The following LRRC43 variants were observed in gnomAD, a reference collection of about 807,000 sequenced individuals.
The protein encoded by LRRC43 is leucine rich repeat containing 43.
Under a neutral mutation model 64.3 loss-of-function variants are expected in LRRC43, and 62 were observed. The ratio of observed to expected loss-of-function variants is 0.96; its 90% CI spans 0.79 to 1.19. The LOEUF (loss-of-function observed/expected upper bound fraction) is 1.19, where lower values mean the gene tolerates loss of function less well. Among genes scored for constraint, LRRC43 ranks in the 50% most tolerant of loss-of-function variants. The pLI, the probability that LRRC43 is intolerant of heterozygous loss-of-function variation, is 0.00. For synonymous variants in LRRC43, 422 were observed against 382.3 expected (o/e 1.10, Z -1.21); for missense variants, 868 against 845.0 (o/e 1.03, Z -0.34).
At chr12:122,181,746 T>C (rs1399496332), upstream of LRRC43, among the ~76,000 whole-genome samples, 2 of 150,564 alleles carry the variant, frequency 1.3e-5, no homozygotes, top group Admixed American at 6.6e-5. Context: ...GCTGGGACTA[T>C]AGGCATGTGT....
intron 1 of LRRC43, chr12:122,174,040 C>G: frequency 6.2e-7 from 1 of 1,613,212 alleles, no homozygotes; most frequent in Non-Finnish European, 8.5e-7. Context: ...CACCCCTGCC[C>G]ACCCTGGCTC....
Position 122,183,185 on chromosome 12 carries a change from A to C in LRRC43, c.41A>C (p.Glu14Ala), listed in dbSNP as rs577217667. Residue 14 changes from glutamate to alanine, a missense_variant, in exon 1 of 12, where the codon GAG becomes GCG. By Grantham distance (107) the Glu-to-Ala change is moderately radical (BLOSUM62 -1). Coordinates refer to ENST00000339777, the MANE Select transcript of LRRC43 (RefSeq NM_001098519.2). Reference protein sequence around the residue: ...SYESESESESEAGPGTQRPGT... With the variant: ...SYESESESESAAGPGTQRPGT... ...GAGTCCGAGTCCGAGTCCGAGTCTG[A>C]GGCCGGGCCTGGGACTCAGCGGCCC... The C allele has an allele frequency of 6.4e-7, 1 of 1,559,894 alleles. No individual in the cohort carries two copies.
At chr12:122,174,449 T>C (rs1375890104) in intron 1 of LRRC43, among the ~76,000 whole-genome samples, 1 of 152,164 alleles carries the variant, frequency 6.6e-6, no homozygotes, top group Non-Finnish European at 1.5e-5. Flanking sequence ...GGCACATGAA[T>C]GCATCTTTGC....
Position 122,192,779 on chromosome 12 carries a change from T to A in LRRC43, c.1124T>A (p.Val375Asp). 1 of 1,614,138 alleles carries A rather than the reference T, an allele frequency of 6.2e-7. No homozygotes were observed. Among genetic ancestry groups the A allele is most frequent in the Non-Finnish European group, 8.5e-7 (1 of 1,179,994 alleles). Residue 375 changes from valine to aspartate, a missense_variant, in exon 7 of 12, where the codon GTT (valine) becomes GAT (aspartate). Val to Asp is a radical substitution (Grantham distance 152). Coordinates refer to ENST00000339777, the MANE Select transcript of LRRC43 (RefSeq NM_001098519.2). ...VKPSPSLELL[V>D]EESPEEVVED... ...CCCTCTCCCAGCTTAGAATTATTAG[T>A]TGAGGAATCTCCTGAAGAGGTCGTG... is the stretch of plus-strand genomic sequence containing the variant.
At chr12:122,177,476 A>AGTGTGTGTGTGTGT (rs67103998) in intron 1 of LRRC43, among the ~76,000 whole-genome samples, 129 of 143,586 alleles carry the variant, frequency 9.0e-4, no homozygotes, top group East Asian at 2.9e-3. Flanking sequence ...TGAGAGAGAA[A>AGTGTGTGTGTGTGT]GTGTGTGTGT....
At chr12:122,181,929 T>C (rs975800849), upstream of LRRC43, among the ~76,000 whole-genome samples, 1 of 151,812 alleles carries the variant, frequency 6.6e-6, no homozygotes, top group Non-Finnish European at 1.5e-5. Context: ...AACAGTAAAG[T>C]TGTCCCGATA....
rs780820828 is a variant in LRRC43 at position 122,201,338 on chromosome 12, C to G, written c.1843+9C>G. 6.2e-6 allele frequency: 10 copies of G among 1,613,656 alleles called. No homozygotes were observed. Among genetic ancestry groups the G allele is most frequent in the African/African-American group, 1.3e-5 (1 of 74,920 alleles). ...GAAAGTTGCCAAAAAAGGTGAGTGC[C>G]GATGGTGGTGACCAAAGGCAGGGAT... On this transcript the variant is annotated intron_variant, in intron 11 of 11. Transcript: ENST00000339777.
chr12:122,198,501 C>T (rs1953794080), intron 7 of LRRC43, among the ~76,000 whole-genome samples: 1 of 151,660 alleles, frequency 6.6e-6, no homozygotes, highest in African/African-American at 2.4e-5. Context: ...TTTGCCTGTT[C>T]TGGATATTTC....
chr12:122,177,476 A>AGTGTGT (rs67103998), intron 1 of LRRC43, among the ~76,000 whole-genome samples: 3,626 of 143,540 alleles, frequency 0.025, 71 homozygotes, highest in Admixed American at 0.065. Context: ...TGAGAGAGAA[A>AGTGTGT]GTGTGTGTGT....
At chr12:122,198,973 A>G (rs113332187) in intron 7 of LRRC43, among the ~76,000 whole-genome samples, 99 of 137,228 alleles carry the variant, frequency 7.2e-4, no homozygotes, top group African/African-American at 2.5e-3. Flanking sequence ...TGTCATATGT[A>G]CTTTCACGAT....
intron 1 of LRRC43, among the ~76,000 whole-genome samples, chr12:122,168,244 C>G (rs940288328): frequency 3.7e-4 from 56 of 150,812 alleles, no homozygotes; most frequent in Non-Finnish European, 4.3e-4. Flanking sequence ...AGTTTGAGAC[C>G]AGCCTGGCCA....
chr12:122,200,069 T>C lies in LRRC43; in HGVS notation c.1350-120T>C, dbSNP rs1352143855. On this transcript the variant is annotated intron_variant, in intron 7 of 11. Transcript: ENST00000339777. This position sits in a 1 kb window ranked among gnomAD's most constrained non-coding sequence, Gnocchi z 4.6. ...GGTGGCAGCCGGACCTCACGTCTCA[T>C]GCTGTTTGTGGGCTTCGATGCTCGT... 2.7e-6 allele frequency: 3 copies of C among 1,104,446 alleles called. No individual in the cohort carries two copies. The highest frequency in any genetic ancestry group is 1.6e-5 in the African/African-American group (1 of 63,926). The allele number at this position is 1,104,446 out of a possible 1,614,324, so 68.4% of individuals were successfully genotyped here.
In LRRC43 at chr12:122,200,695, C is replaced by A. The variant is rs763619458; in HGVS notation, c.1620+35C>A. 3.1e-6 allele frequency: 5 copies of A among 1,612,968 alleles called. No individual in the cohort carries two copies. The highest frequency in any genetic ancestry group is 4.2e-6 in the Non-Finnish European group (5 of 1,179,762). ...CTTGGTGCTGGGGAGGGCAGCCTGGCCACACCCTTGCTTCAACTTGTCCCA... is the reference window on the plus strand; with the variant it reads ...CTTGGTGCTGGGGAGGGCAGCCTGGACACACCCTTGCTTCAACTTGTCCCA... On this transcript the variant is annotated intron_variant, in intron 9 of 11. Coordinates refer to ENST00000339777, the MANE Select transcript of LRRC43 (RefSeq NM_001098519.2). The surrounding 1 kb of genome is among the most constrained non-coding windows in gnomAD (Gnocchi z 4.6).
intron 1 of LRRC43, among the ~76,000 whole-genome samples, chr12:122,176,776 T>G (rs1458627502): frequency 6.6e-6 from 1 of 152,036 alleles, no homozygotes; most frequent in Non-Finnish European, 1.5e-5. Flanking sequence ...TGCCTCAGCC[T>G]CCTGAGTAGC....
intron 4 of LRRC43, among the ~76,000 whole-genome samples, chr12:122,188,450 AT>A (rs934839300): frequency 6.8e-6 from 1 of 146,684 alleles, no homozygotes; most frequent in Non-Finnish European, 1.5e-5. Context: ...TTTTATTTTA[AT>A]TTTTTTTTGA....
At chr12:122,169,584 CGG>C in intron 1 of LRRC43, among the ~76,000 whole-genome samples, 1 of 151,760 alleles carries the variant, frequency 6.6e-6, no homozygotes, top group Admixed American at 6.6e-5. Context: ...GGCGTGGTGG[CGG>C]GCGCCTGTAG....
chr12:122,193,108 C>T (rs945019557), intron 7 of LRRC43, 104 bp downstream of exon 7: 13 of 1,228,134 alleles, frequency 1.1e-5, no homozygotes, highest in Admixed American at 4.8e-5. Flanking sequence ...TGGCGGGGCG[C>T]GGTGGCTCAC....
intron 7 of LRRC43, among the ~76,000 whole-genome samples, chr12:122,199,875 C>T (rs1014918344): frequency 3.3e-5 from 5 of 152,250 alleles, no homozygotes; most frequent in East Asian, 3.8e-4. Flanking sequence ...AGAGCCACCA[C>T]GCTCAGCCCT....
chr12:122,172,493 C>A lies in LRRC43; in HGVS notation c.-406+4711C>A, dbSNP rs371446930. The stretch of plus-strand genomic sequence containing the variant: ...ACTCTGAAAACTGTTGAGAAATAGT[C>A]AGGATGAAGCGTTTACATTCATGGG... On this transcript the variant is annotated intron_variant, in intron 1 of 5. Transcript: ENST00000537729. 29 of 1,613,952 alleles carry A rather than the reference C, an allele frequency of 1.8e-5. No homozygotes were observed. In the African/African-American group the frequency reaches 3.6e-4, roughly 20 times the overall value.
Sources: allele counts gnomAD v4.1 joint callset (sites outside exome capture counted in the v4.1 genomes callset), GRCh38; gene constraint gnomAD v4.1.1; non-coding constraint Gnocchi (gnomAD v3.1); transcripts MANE v1.5; gene names NCBI Gene and HGNC (gene_info 2026-07-23, HGNC 2026-07-21).